Variants in LIG1 observed in about 807,000 individuals in gnomAD.
The protein encoded by LIG1 is ligase I, DNA, ATP-dependent.
Under a neutral mutation model 115.7 loss-of-function variants are expected in LIG1, and 70 were observed. That is an observed-to-expected ratio of 0.60 (90% CI 0.50 to 0.74). The LOEUF is 0.74. Ranked by LOEUF, LIG1 falls within the 30% of genes least tolerant of loss-of-function variation. The probability of loss-of-function intolerance (pLI) is 0.00; values close to 1 mark genes in which losing one functional copy is unlikely to be tolerated. For missense variants in LIG1, 1,115 were observed against 1,225.6 expected, an observed-to-expected ratio of 0.91 and a Z score of 1.35; for synonymous variants, 487 against 495.3, an observed-to-expected ratio of 0.98 and a Z score of 0.22.
intron 21 of LIG1, 193 bp from the exon 22 acceptor site, chr19:48,123,511 A>C: frequency 1.5e-6 from 1 of 648,268 alleles, no homozygotes; most frequent in Non-Finnish European, 2.7e-6. Flanking sequence ...CACTGGCAAG[A>C]GGGCCCGACA....
Position 48,151,245 on chromosome 19 carries a change from G to C in LIG1, c.561C>G (p.Pro187=), listed in dbSNP as rs779397848. The change falls in exon 7 of 28, where the codon CCC becomes CCG. Residue 187 remains proline, a synonymous_variant. Coordinates refer to ENST00000263274, the MANE Select transcript of LIG1 (RefSeq NM_000234.3). ...CCAGAAACTCACTGGAGGTCTTTAGGGGCTTGGGAGGCGTGGTGGGCTGGT... is the reference window on the plus strand; with the variant it reads ...CCAGAAACTCACTGGAGGTCTTTAGCGGCTTGGGAGGCGTGGTGGGCTGGT... ...DGDQPTTPPK[P]LKTSKAETPT... The C allele has an allele frequency of 1.2e-6, 2 of 1,612,706 alleles. No individual in the cohort carries two copies. Among genetic ancestry groups the C allele is most frequent in the Non-Finnish European group, 1.7e-6 (2 of 1,178,810 alleles).
At chr19:48,125,322 T>C (rs1200095461) in intron 21 of LIG1, among the ~76,000 whole-genome samples, 2 of 152,160 alleles carry the variant, frequency 1.3e-5, no homozygotes, top group Non-Finnish European at 2.9e-5. Context: ...ATACTTGACT[T>C]TCCTCTCCCC....
At position 48,122,852 on chromosome 19, in the gene LIG1, T is replaced by A; in HGVS notation, c.2232+82A>T. ...CCCTGAGCTCAGACAGGGTACACAG[T>A]GGAGGCTCGAAATCCACTGCCTAGC... On this transcript the variant is annotated intron_variant, in intron 23 of 27. Transcript: ENST00000263274. This position sits in a 1 kb window ranked among gnomAD's most constrained non-coding sequence, Gnocchi z 4.3. 7.9e-7 allele frequency: 1 copy of A among 1,263,550 alleles called. No individual in the cohort carries two copies. The highest frequency in any genetic ancestry group is 1.7e-5 in the Admixed American group (1 of 59,510). The allele number at this position is 1,263,550 out of a possible 1,614,324, so 78.3% of individuals were successfully genotyped here.
At chr19:48,139,717 C>T (rs2034614838) in intron 12 of LIG1, among the ~76,000 whole-genome samples, 1 of 152,110 alleles carries the variant, frequency 6.6e-6, no homozygotes, top group African/African-American at 2.4e-5. Flanking sequence ...GCATCTTTCC[C>T]CAGCCCTCCC....
rs1197986542 is a variant in LIG1 at position 48,140,161 on chromosome 19, G to C, written c.915-18C>G. On this transcript the variant is annotated intron_variant, in intron 11 of 27. Coordinates refer to ENST00000263274, the MANE Select transcript of LIG1 (RefSeq NM_000234.3). ...TCCGGAGCCTGGAGGAGGGGACGGG[G>C]GTATGAACACGTGGTTCCTCAAGGT... The C allele has an allele frequency of 6.2e-7, 1 of 1,609,596 alleles. No individual in the cohort carries two copies. Among genetic ancestry groups the C allele is most frequent in the Non-Finnish European group, 8.5e-7 (1 of 1,178,952 alleles).
chr19:48,149,023 G>C (rs1388032180), intron 9 of LIG1, among the ~76,000 whole-genome samples: 2 of 152,154 alleles, frequency 1.3e-5, no homozygotes, highest in African/African-American at 4.8e-5. Flanking sequence ...AATCTGGTGA[G>C]TTCAGGCCAG....
In LIG1 at chr19:48,122,462, G is replaced by C. The variant is rs968630771; in HGVS notation, c.2232+472C>G. On this transcript the variant is annotated intron_variant, in intron 23 of 27. Coordinates refer to ENST00000263274, the MANE Select transcript of LIG1 (RefSeq NM_000234.3). The surrounding 1 kb of genome is among the most constrained non-coding windows in gnomAD (Gnocchi z 4.3). ...CACGCAGAGGCTGCTCCTCCCTCAG[G>C]GTCTCTGCACCGGGGGTTTTCCTCC... is the stretch of plus-strand genomic sequence containing the variant. 4 of 243,576 alleles carry C rather than the reference G, an allele frequency of 1.6e-5. No homozygotes were observed. Among genetic ancestry groups the C allele is most frequent in the African/African-American group, 9.0e-5 (4 of 44,610 alleles). 15.1% of individuals were successfully genotyped at this position (243,576 alleles called of 1,614,324 possible). A position where few individuals can be genotyped will look rare whatever the true frequency, so the allele number is the denominator to read the frequency against.
intron 5 of LIG1, 42 bp downstream of exon 5, chr19:48,156,972 A>G (rs773481173): frequency 1.4e-6 from 2 of 1,456,594 alleles, no homozygotes; most frequent in Non-Finnish European, 1.8e-6. Context: ...AGAGAAAAAG[A>G]AAGGCAGGCG....
chr19:48,145,986 G>GA (rs1290154204), intron 9 of LIG1: 1 of 152,280 alleles, frequency 6.6e-6, no homozygotes, highest in Non-Finnish European at 1.5e-5. Flanking sequence ...GATAACAACA[G>GA]AATCTACTCC....
chr19:48,138,122 C>G (rs1226149361), intron 12 of LIG1, among the ~76,000 whole-genome samples: 1 of 152,144 alleles, frequency 6.6e-6, no homozygotes, highest in African/African-American at 2.4e-5. Flanking sequence ...TTTGGAGCCA[C>G]CAGCTTACAC....
intron 21 of LIG1, among the ~76,000 whole-genome samples, chr19:48,126,332 G>A (rs1346697969): frequency 1.3e-5 from 2 of 152,104 alleles, no homozygotes; most frequent in East Asian, 1.9e-4. Context: ...AAGGCCAGGC[G>A]TGGTGGTTCA....
chr19:48,157,845 C>T (rs939573484), intron 4 of LIG1, among the ~76,000 whole-genome samples: 4 of 152,230 alleles, frequency 2.6e-5, no homozygotes, highest in Non-Finnish European at 5.9e-5. Context: ...CGTGCCCAGC[C>T]TTCTCTCCAT....
At chr19:48,131,288 G>T in intron 18 of LIG1, 117 bp from the exon 19 acceptor site, 2 of 738,740 alleles carry the variant, frequency 2.7e-6, no homozygotes, top group Non-Finnish European at 4.8e-6. Flanking sequence ...AGGAGGAACT[G>T]GTGCAGAGAC....
chr19:48,158,406 G>A (rs946982927), intron 4 of LIG1, among the ~76,000 whole-genome samples: 15 of 152,110 alleles, frequency 9.9e-5, no homozygotes, highest in Admixed American at 4.6e-4. Flanking sequence ...CATGAATCCC[G>A]GACTCTGCAC....
In LIG1 at chr19:48,161,469, C is replaced by A. The variant is rs1382334435; in HGVS notation, c.146G>T (p.Ser49Ile). Residue 49 changes from serine to isoleucine, a missense_variant, in exon 4 of 28, where the codon AGT becomes ATT. Physicochemically the swap from Ser to Ile is moderately radical, Grantham distance 142 (BLOSUM62 -2). Coordinates refer to ENST00000263274, the MANE Select transcript of LIG1 (RefSeq NM_000234.3). ...LKEWNGVVSE[S>I]DSPVKRPGRK... Reference sequence around the variant, plus strand: ...CCCTGGCCTCTTCACCGGAGAGTCACTCTCGGACACCACTCCATTCCACTC... The same window carrying A: ...CCCTGGCCTCTTCACCGGAGAGTCAATCTCGGACACCACTCCATTCCACTC... 2.5e-6 allele frequency: 4 copies of A among 1,614,180 alleles called. No homozygotes were observed. Among genetic ancestry groups the A allele is most frequent in the Non-Finnish European group, 3.4e-6 (4 of 1,180,040 alleles).
chr19:48,125,531 A>G (rs957972243), intron 21 of LIG1, among the ~76,000 whole-genome samples: 2 of 152,356 alleles, frequency 1.3e-5, no homozygotes, highest in Admixed American at 6.5e-5. Context: ...CCAGGAAGAC[A>G]TGAGTGAGAA....
At chr19:48,153,809 T>A (rs2122901504) in intron 6 of LIG1, 63 bp downstream of exon 6, 1 of 181,636 alleles carries the variant, frequency 5.5e-6, no homozygotes, top group African/African-American at 1.1e-4. Flanking sequence ...TCCTCCTCCT[T>A]CCTCTTGGCT....
chr19:48,131,500 C>T (rs1188977395), intron 18 of LIG1, among the ~76,000 whole-genome samples: 1 of 152,004 alleles, frequency 6.6e-6, no homozygotes, highest in Non-Finnish European at 1.5e-5. Flanking sequence ...GGAGTCTCGC[C>T]CAGGCTGGAG....
At chr19:48,128,785 C>CA (rs1568490899) in intron 19 of LIG1, among the ~76,000 whole-genome samples, 1 of 152,210 alleles carries the variant, frequency 6.6e-6, no homozygotes, top group Non-Finnish European at 1.5e-5. Flanking sequence ...CTTTTTGAGT[C>CA]AGAGTCTAGC....
Sources: gnomAD v4.1 joint callset for allele counts (sites outside exome capture counted in the v4.1 genomes callset) on GRCh38, gnomAD v4.1.1 for gene constraint, Gnocchi (gnomAD v3.1) non-coding constraint, MANE v1.5 for transcripts, NCBI Gene and HGNC (gene_info 2026-07-23, HGNC 2026-07-21) for gene names.